The following NT5DC2 variants were observed in gnomAD, a reference collection of about 807,000 sequenced individuals.
NT5DC2 encodes the protein 5'-nucleotidase domain-containing protein 2.
A neutral mutation model predicts 70.0 loss-of-function variants in NT5DC2; 41 were observed. That is an observed-to-expected ratio of 0.59 (90% CI 0.46 to 0.76). The LOEUF is 0.76. Ranked by LOEUF, NT5DC2 falls within the 30% of genes least tolerant of loss-of-function variation. The pLI is 0.00. For missense variants in NT5DC2, 705 were observed against 783.2 expected (o/e 0.90, Z 1.19); for synonymous variants, 299 against 310.4 (o/e 0.96, Z 0.39).
intron 1 of NT5DC2, among the ~76,000 whole-genome samples, chr3:52,530,111 G>A (rs1014232460): frequency 3.3e-5 from 5 of 152,202 alleles, no homozygotes; most frequent in African/African-American, 4.8e-5. Flanking sequence ...TCAGCTGCCC[G>A]CAAGCCCATA....
intron 8 of NT5DC2, 29 bp from the exon 9 acceptor site, chr3:52,527,747 A>T: frequency 1.2e-6 from 2 of 1,612,440 alleles, no homozygotes; most frequent in South Asian, 2.2e-5. Flanking sequence ...GGTGGCAAGT[A>T]GTCTGAGGGC....
In NT5DC2 at chr3:52,529,178, G is replaced by A; in HGVS notation, c.389C>T (p.Ala130Val). ...DALHPEIFST[A>V]RDILIEHYKY... ...GTAGTGCTCGATCAGGATGTCACGG[G>A]CGGTACTGAAGATCTCGGGGTGCAG... Residue 130 changes from alanine to valine, a missense_variant, in exon 2 of 14, where the codon GCC (alanine) becomes GTC (valine). Coordinates refer to ENST00000422318, the MANE Select transcript of NT5DC2 (RefSeq NM_001134231.2). This position sits in a 1 kb window ranked among gnomAD's most constrained non-coding sequence, Gnocchi z 4.1. 4.3e-6 allele frequency: 7 copies of A among 1,614,126 alleles called. No individual in the cohort carries two copies. The highest frequency in any genetic ancestry group is 5.9e-6 in the Non-Finnish European group (7 of 1,179,994).
Position 52,527,257 on chromosome 3 carries a change from C to A in NT5DC2, c.1119+37G>T, listed in dbSNP as rs562463735. On this transcript the variant is annotated intron_variant, in intron 10 of 13. Transcript: ENST00000422318. ...CCTGGGGCCCTAGCTAGGCCCCATG[C>A]CCCCACCACATGCTGCTCTCCCCAG... The A allele has an allele frequency of 1.8e-5, 28 of 1,594,452 alleles. No individual in the cohort carries two copies. In the South Asian group the frequency reaches 3.0e-4, roughly 17 times the overall value.
intron 10 of NT5DC2, chr3:52,526,293 G>A (rs2079269649): frequency 6.6e-6 from 1 of 152,566 alleles, no homozygotes; most frequent in Non-Finnish European, 1.5e-5. Flanking sequence ...CAGAGAAGTG[G>A]GCAGGGCTGA....
rs1245179165 is a variant in NT5DC2 at position 52,529,322 on chromosome 3, G to C, written c.245C>G (p.Pro82Arg). 5 of 1,613,426 alleles carry C rather than the reference G, an allele frequency of 3.1e-6. No homozygotes were observed. The African/African-American group carries it at 4.0e-5, about 13-fold the overall frequency. ...TGGGTTCAGGAGACTGCAGACCTCG[G>C]GGGGCAGGAGGTCTAGAGGAAGGAG... Reference protein sequence around the residue: ...MRRLVHDLLPPEVCSLLNPAA... With the variant: ...MRRLVHDLLPREVCSLLNPAA... Residue 82 changes from proline (P) to arginine (R), a missense_variant, in exon 2 of 14, where the codon CCC (proline) becomes CGC (arginine). Physicochemically the swap from Pro to Arg is moderately radical, Grantham distance 103. Transcript: ENST00000422318. The surrounding 1 kb of genome is among the most constrained non-coding windows in gnomAD (Gnocchi z 4.1).
At chr3:52,532,115 C>G in intron 1 of NT5DC2, 2 of 932,916 alleles carry the variant, frequency 2.1e-6, no homozygotes, top group Non-Finnish European at 2.6e-6. Context: ...TAGCCCAAAG[C>G]GGACCTCGGC....
chr3:52,528,571 G>A (rs1205567949), intron 4 of NT5DC2, 32 bp from the exon 5 acceptor site: 5 of 1,361,842 alleles, frequency 3.7e-6, no homozygotes, highest in Non-Finnish European at 5.0e-6. Flanking sequence ...TCAGTCCAAG[G>A]TAGTCCTGAG....
chr3:52,532,087 C>T (rs1469327602), intron 1 of NT5DC2: 2 of 707,204 alleles, frequency 2.8e-6, no homozygotes, highest in African/African-American at 1.9e-5. Flanking sequence ...TGTTGCACTG[C>T]TCTCAGCCCG....
intron 10 of NT5DC2, chr3:52,525,581 C>CTGTT (rs767600707): frequency 1.4e-5 from 6 of 421,262 alleles, no homozygotes; most frequent in South Asian, 2.6e-5. Flanking sequence ...GATTAGATCC[C>CTGTT]TGTTTGTAAG....
At chr3:52,534,972 A>T (rs1575394931), upstream of NT5DC2, 5 of 321,674 alleles carry the variant, frequency 1.6e-5, no homozygotes, top group East Asian at 4.0e-4. Flanking sequence ...CCACAAGTGA[A>T]CCTCCTCCAG....
intron 11 of NT5DC2, 30 bp downstream of exon 11, chr3:52,525,179 C>T (rs761801633): frequency 5.4e-5 from 86 of 1,599,196 alleles, no homozygotes; most frequent in Admixed American, 2.5e-4. Flanking sequence ...CTGGCCCTCC[C>T]CCACTGCAGC....
rs2079208526 is a variant in NT5DC2, at chr3:52,524,608, G to A, written c.1536C>T (p.Cys512=). Residue 512 remains cysteine (C), a synonymous_variant, in exon 14 of 14, where the codon TGC becomes TGT. Transcript: ENST00000422318. ...FSDLYMASLS[C]LLNYRVDFTF... ...TGAAGTCCACGCGGTAGTTGAGCAG[G>A]CAGCTGAGGGAGGCCATGTAGAGGT... The A allele has an allele frequency of 6.2e-7, 1 of 1,613,222 alleles. No individual in the cohort carries two copies. The highest frequency in any genetic ancestry group is 1.3e-5 in the African/African-American group (1 of 75,062).
rs1559742097 is a variant in NT5DC2, at chr3:52,533,418, C to T, written c.232+88G>A. The T allele has an allele frequency of 2.9e-6, 4 of 1,360,640 alleles. No homozygotes were observed. In the South Asian group the frequency reaches 4.0e-5, roughly 14 times the overall value. 84.3% of individuals were successfully genotyped at this position (1,360,640 alleles called of 1,614,324 possible). A position where few individuals can be genotyped will look rare whatever the true frequency, so the allele number is the denominator to read the frequency against. On this transcript the variant is annotated intron_variant, in intron 1 of 13. Transcript: ENST00000422318. ...CCCTGGCGAGCCCCACTGGGTGTTT[C>T]CCCGGAGGAGCGGCACCCTGGGGCT...
Position 52,527,309 on chromosome 3 carries a change from GCC to G in NT5DC2, c.1102_1103del (p.Gly368GlnfsTer10), listed in dbSNP as rs1373057420. Reference sequence around the variant, plus strand: ...TGGCCCTTACCTGCCGATAGATCTTGCCCTTTTCCAAGCGGGTGATCCGGTCC... The same window carrying G: ...TGGCCCTTACCTGCCGATAGATCTTGCTTTTCCAAGCGGGTGATCCGGTCC... ...QWDRITRLEK[G>X]KIYRQGNLFD... On this transcript the variant is annotated frameshift_variant, in exon 10 of 14. Transcript: ENST00000422318. LOFTEE classifies it high-confidence loss of function. 6.2e-7 allele frequency: 1 copy of G among 1,614,106 alleles called. No individual in the cohort carries two copies. The highest frequency in any genetic ancestry group is 8.5e-7 in the Non-Finnish European group (1 of 1,179,986).
At chr3:52,533,236 A>G (rs2153245189) in intron 1 of NT5DC2, among the ~76,000 whole-genome samples, 1 of 152,254 alleles carries the variant, frequency 6.6e-6, no homozygotes, top group Non-Finnish European at 1.5e-5. Flanking sequence ...GCGGGGGCCC[A>G]GCACTCCGGC....
chr3:52,528,760 T>C, intron 3 of NT5DC2, 68 bp from the exon 4 acceptor site: 2 of 1,606,538 alleles, frequency 1.2e-6, no homozygotes, highest in South Asian at 1.1e-5. Context: ...AGCCAGCCTC[T>C]TTCAGCCCAT....
chr3:52,527,200 G>T, intron 10 of NT5DC2, 94 bp downstream of exon 10: 1 of 1,189,064 alleles, frequency 8.4e-7, no homozygotes, highest in Non-Finnish European at 1.2e-6. Context: ...CCAAGGAGCT[G>T]TGCTGCTTCT....
In NT5DC2 at chr3:52,524,442, G is replaced by A; in HGVS notation, c.*28C>T. The A allele has an allele frequency of 6.2e-7, 1 of 1,612,090 alleles. No individual in the cohort carries two copies. The highest frequency in any genetic ancestry group is 8.5e-7 in the Non-Finnish European group (1 of 1,179,390). ...GGGTGGATGGGGCAGGAGGGGCTGAGGGCCTGTCCCAGACAATAAAGGTGC... is the reference window on the plus strand; with the variant it reads ...GGGTGGATGGGGCAGGAGGGGCTGAAGGCCTGTCCCAGACAATAAAGGTGC... On this transcript the variant is annotated 3_prime_UTR_variant, in exon 14 of 14. Transcript: ENST00000422318.
In NT5DC2 at chr3:52,529,237, G is replaced by A; in HGVS notation, c.330C>T (p.Asp110=). Residue 110 remains aspartate (D), a synonymous_variant, in exon 2 of 14, where the codon GAC becomes GAT. Transcript: ENST00000422318. The surrounding 1 kb of genome is among the most constrained non-coding windows in gnomAD (Gnocchi z 4.1). ...CATACTGGGCCAGGGTGTAGTCGTA[G>A]TCAAAGCCGTAGACCTCAACGTCAC... is the stretch of plus-strand genomic sequence containing the variant. The part of the protein sequence containing the change: ...SLRDVEVYGF[D]YDYTLAQYAD... 6.2e-7 allele frequency: 1 copy of A among 1,614,104 alleles called. No individual in the cohort carries two copies. Among genetic ancestry groups the A allele is most frequent in the Non-Finnish European group, 8.5e-7 (1 of 1,180,014 alleles).
Sources: allele counts gnomAD v4.1 joint callset (sites outside exome capture counted in the v4.1 genomes callset), GRCh38; gene constraint gnomAD v4.1.1; non-coding constraint Gnocchi (gnomAD v3.1); transcripts MANE v1.5; gene names NCBI Gene and HGNC (gene_info 2026-07-23, HGNC 2026-07-21).